Variants in WDFY4 observed in about 807,000 individuals in gnomAD.
WDFY4 encodes the protein WDFY family member 4, also known as WD repeat- and FYVE domain-containing protein 4.
WDFY4 carries 169 observed loss-of-function variants against 351.9 expected under a neutral mutation model. The ratio of observed to expected loss-of-function variants is 0.48; its 90% CI spans 0.42 to 0.55. WDFY4 has a LOEUF of 0.55. Among genes scored for constraint, WDFY4 ranks in the 20% least tolerant of loss-of-function variants. The pLI is 0.00. For synonymous variants in WDFY4, 1,622 were observed against 1,574.6 expected (o/e 1.03, Z -0.71); for missense variants, 3,803 against 3,935.6 (o/e 0.97, Z 0.90).
Position 48,868,232 on chromosome 10 carries a change from T to C in WDFY4, c.6741+890T>C, listed in dbSNP as rs188084488. On this transcript the variant is annotated intron_variant, in intron 40 of 61. Coordinates refer to ENST00000325239, the MANE Select transcript of WDFY4 (RefSeq NM_001394531.1). Reference sequence around the variant, plus strand: ...AAGACCCATTCATGGATGTGCAGCCTGAACCCCAGAAACACACAGCTTAGC... The same window carrying C: ...AAGACCCATTCATGGATGTGCAGCCCGAACCCCAGAAACACACAGCTTAGC... Among the ~76,000 whole-genome samples the C allele has an allele frequency of 4.9e-4, 75 of 152,306 alleles. No individual in the cohort carries two copies. The East Asian group carries it at 0.013, about 25-fold the overall frequency.
chr10:48,763,962 C>G (rs567531386), intron 13 of WDFY4, among the ~76,000 whole-genome samples: 1 of 152,332 alleles, frequency 6.6e-6, no homozygotes, highest in East Asian at 1.9e-4. Context: ...AAACGGCAGG[C>G]CTCCGCAGGT....
intron 13 of WDFY4, 138 bp from the exon 14 acceptor site, chr10:48,774,320 T>G (rs1430605395): frequency 2.3e-6 from 2 of 865,266 alleles, no homozygotes; most frequent in African/African-American, 1.7e-5. Context: ...GAGACAGGCG[T>G]GGGTGTAGTG....
rs1842221687 is a variant in WDFY4 at position 48,969,124 on chromosome 10, C to T, written c.8645C>T (p.Ser2882Phe). 1 of 1,551,790 alleles carries T rather than the reference C, an allele frequency of 6.4e-7. No individual in the cohort carries two copies. Among genetic ancestry groups the T allele is most frequent in the South Asian group, 1.2e-5 (1 of 84,064 alleles). The part of the protein sequence containing the change: ...SPKGAIGHIV[S>F]TEKTILAVER... Reference sequence around the variant, plus strand: ...AAAGGGGCCATTGGCCACATTGTCTCTACTGAGAAGACCATTCTGGCTGTA... The same window carrying T: ...AAAGGGGCCATTGGCCACATTGTCTTTACTGAGAAGACCATTCTGGCTGTA... Residue 2882 changes from serine (S) to phenylalanine (F), a missense_variant, in exon 56 of 62, where the codon TCT becomes TTT. Physicochemically the swap from Ser to Phe is radical, Grantham distance 155 (BLOSUM62 -2). Coordinates refer to ENST00000325239, the MANE Select transcript of WDFY4 (RefSeq NM_001394531.1).
chr10:48,858,541 C>G (rs1006923554), intron 39 of WDFY4, among the ~76,000 whole-genome samples: 4 of 152,190 alleles, frequency 2.6e-5, no homozygotes, highest in Non-Finnish European at 5.9e-5. Context: ...TGGATTCTCT[C>G]TTCTGTTCCA....
intron 60 of WDFY4, chr10:48,978,607 G>C: frequency 1.9e-6 from 1 of 516,490 alleles, no homozygotes; most frequent in Non-Finnish European, 3.4e-6. Context: ...AACGGCCTCA[G>C]AATAACCTAA....
chr10:48,976,539 G>A (rs373227563), intron 58 of WDFY4: 4 of 271,864 alleles, frequency 1.5e-5, no homozygotes, highest in African/African-American at 8.7e-5. Flanking sequence ...GGAGGAGCCT[G>A]AGGGTGAGCC....
intron 43 of WDFY4, among the ~76,000 whole-genome samples, chr10:48,879,674 G>T (rs1186750178): frequency 1.3e-5 from 2 of 152,160 alleles, no homozygotes; most frequent in African/African-American, 4.8e-5. Flanking sequence ...CTCTGAGAAG[G>T]CATCCTTTCC....
chr10:48,910,354 C>T, intron 47 of WDFY4: 1 of 1,083,026 alleles, frequency 9.2e-7, no homozygotes, highest in Non-Finnish European at 1.4e-6. Flanking sequence ...CAAGGTCATG[C>T]CTGACCTTCA....
At chr10:48,949,036 TG>T (rs1841191925) in intron 51 of WDFY4, among the ~76,000 whole-genome samples, 1 of 152,238 alleles carries the variant, frequency 6.6e-6, no homozygotes, top group Non-Finnish European at 1.5e-5. Flanking sequence ...TAGTTTGAGA[TG>T]GTCTAAACCC....
chr10:48,904,783 T>C (rs1161587697), intron 47 of WDFY4, among the ~76,000 whole-genome samples: 1 of 152,236 alleles, frequency 6.6e-6, no homozygotes, highest in African/African-American at 2.4e-5. Context: ...AGTGTTTTCA[T>C]TGGCTGGATC....
At chr10:48,712,329 AC>A (rs2132222542) in intron 2 of WDFY4, among the ~76,000 whole-genome samples, 1 of 152,352 alleles carries the variant, frequency 6.6e-6, no homozygotes, top group East Asian at 1.9e-4. Flanking sequence ...TATTCCCATT[AC>A]TTTTCCACCA....
At chr10:48,964,740 C>T (rs868431293) in intron 54 of WDFY4, among the ~76,000 whole-genome samples, 4 of 152,358 alleles carry the variant, frequency 2.6e-5, no homozygotes, top group Middle Eastern at 3.4e-3. Context: ...TGAGGTTGTG[C>T]ATTCCCCTGT....
chr10:48,923,907 G>A (rs1406421802), intron 47 of WDFY4, among the ~76,000 whole-genome samples: 1 of 152,196 alleles, frequency 6.6e-6, no homozygotes, highest in Admixed American at 6.5e-5. Flanking sequence ...TCCAGCAAAT[G>A]GGACATCCAG....
rs1205194736 is a variant in WDFY4 at position 48,867,301 on chromosome 10, G to A, written c.6700G>A (p.Gly2234Arg). 1 of 1,501,908 alleles carries A rather than the reference G, an allele frequency of 6.7e-7. No homozygotes were observed. The highest frequency in any genetic ancestry group is 1.3e-5 in the South Asian group (1 of 74,632). 93.0% of individuals were successfully genotyped at this position (1,501,908 alleles called of 1,614,324 possible). A position where few individuals can be genotyped will look rare whatever the true frequency, so the allele number is the denominator to read the frequency against. The change falls in exon 40 of 62, where the codon GGA (glycine) becomes AGA (arginine). Residue 2234 changes from glycine to arginine, a missense_variant. Gly to Arg is a moderately radical substitution (Grantham distance 125). Around this residue, in one of 3 missense-constraint regions of WDFY4, gnomAD observed 3,054 missense variants for 3,148.6 expected, o/e 0.97. Transcript: ENST00000325239. ...ATGTATAGAGAACTACAGAAGAAGA[G>A]GACAAGAGCTATATGCATCTTTATA... ...VSCIENYRRR[G>R]QELYASLYKD...
chr10:48,962,362 G>T (rs1841896048), intron 53 of WDFY4, among the ~76,000 whole-genome samples: 1 of 152,182 alleles, frequency 6.6e-6, no homozygotes, highest in African/African-American at 2.4e-5. Flanking sequence ...TCAGATCCAG[G>T]TGTGTAGGGC....
At chr10:48,690,817 G>A (rs1160342770) in intron 1 of WDFY4, among the ~76,000 whole-genome samples, 1 of 152,170 alleles carries the variant, frequency 6.6e-6, no homozygotes, top group African/African-American at 2.4e-5. Flanking sequence ...GGACCTCAGA[G>A]GGGAGGAAAT....
intron 39 of WDFY4, among the ~76,000 whole-genome samples, chr10:48,849,500 A>G (rs1256393254): frequency 3.3e-5 from 5 of 152,210 alleles, no homozygotes; most frequent in African/African-American, 4.8e-5. Context: ...AATTACATTT[A>G]ATACAACGAG....
chr10:48,754,235 T>G (rs992454479), intron 12 of WDFY4, among the ~76,000 whole-genome samples: 1 of 151,774 alleles, frequency 6.6e-6, no homozygotes, highest in Non-Finnish European at 1.5e-5. Context: ...GGTAGGTTTT[T>G]TTTTTTTTTT....
intron 20 of WDFY4, among the ~76,000 whole-genome samples, chr10:48,787,337 A>C (rs2066437599): frequency 6.6e-6 from 1 of 152,228 alleles, no homozygotes; most frequent in South Asian, 2.1e-4. Flanking sequence ...AAATGAATCT[A>C]TGTCAGCAGC....
Sources: allele counts gnomAD v4.1 joint callset (sites outside exome capture counted in the v4.1 genomes callset), GRCh38; gene constraint gnomAD v4.1.1; regional missense constraint gnomAD v4.1.1; transcripts MANE v1.5; gene names NCBI Gene and HGNC (gene_info 2026-07-23, HGNC 2026-07-21).